SMIM7: variants seen among roughly 807,000 people sequenced by gnomAD.
SMIM7 encodes small integral membrane protein 7, also known as UPF0608 protein C19orf42.
A neutral mutation model predicts 13.3 loss-of-function variants in SMIM7; 12 were observed. The ratio of observed to expected loss-of-function variants is 0.90; its 90% CI spans 0.58 to 1.46. The LOEUF (loss-of-function observed/expected upper bound fraction) is 1.46. SMIM7 is among the 40% of genes most tolerant of loss of function. The probability of loss-of-function intolerance (pLI) is 0.00; values close to 1 mark genes in which losing one functional copy is unlikely to be tolerated. For missense variants in SMIM7, 114 were observed against 94.8 expected, an observed-to-expected ratio of 1.20 and a Z score of -0.84; for synonymous variants, 36 against 35.8, an observed-to-expected ratio of 1.01 and a Z score of -0.02.
At chr19:16,659,607 A>C (rs1321832293) in intron 2 of SMIM7, 160 bp from the exon 3 acceptor site, 1 of 735,412 alleles carries the variant, frequency 1.4e-6, no homozygotes, top group Admixed American at 2.3e-5. Context: ...CTGGGCCCCC[A>C]CTGCCCGGAC....
At chr19:16,657,351 G>A (rs1161825935) in intron 3 of SMIM7, among the ~76,000 whole-genome samples, 1 of 152,056 alleles carries the variant, frequency 6.6e-6, no homozygotes, top group Non-Finnish European at 1.5e-5. Context: ...CAAATCTCCC[G>A]CCCACTGGAG....
intron 4 of SMIM7, among the ~76,000 whole-genome samples, chr19:16,648,198 TG>T (rs1419014660): frequency 1.3e-5 from 2 of 152,120 alleles, no homozygotes; most frequent in Non-Finnish European, 2.9e-5. Context: ...TGGAGTGCCG[TG>T]GGGCGATCTC....
chr19:16,636,883 G>A (rs564740142), intron 4 of SMIM7, among the ~76,000 whole-genome samples: 222 of 152,294 alleles, frequency 1.5e-3, no homozygotes, highest in African/African-American at 5.1e-3. Flanking sequence ...AGCTCAGGAG[G>A]TTTAGGCTGC....
chr19:16,655,360 T>C (rs1325445464), intron 3 of SMIM7: 3 of 455,898 alleles, frequency 6.6e-6, no homozygotes, highest in Non-Finnish European at 4.4e-6. Context: ...TCACTCTCCC[T>C]CTCAAGCCCT....
rs530546746 is a variant in SMIM7 at position 16,647,001 on chromosome 19, G to A, written c.*245C>T. The A allele has an allele frequency of 1.4e-5, 8 of 579,342 alleles. No individual in the cohort carries two copies. The South Asian group carries it at 1.5e-4, about 11-fold the overall frequency. The allele number at this position is 579,342 out of a possible 1,614,324, so 35.9% of individuals were successfully genotyped here. On this transcript the variant is annotated 3_prime_UTR_variant, in exon 5 of 5. Transcript: ENST00000487416. ...TTTCATCACAGCCCCTTACATAAAC[G>A]CTCCTGAAACCCTTTCAGTAGACAG...
chr19:16,642,728 T>C (rs1055694215), downstream of SMIM7, among the ~76,000 whole-genome samples: 2 of 151,808 alleles, frequency 1.3e-5, no homozygotes, highest in Admixed American at 6.6e-5. Context: ...CCTGTGGTCC[T>C]AGGTACTTGG....
intron 4 of SMIM7, chr19:16,634,097 A>AT (rs1472726628): frequency 6.6e-6 from 1 of 152,152 alleles, no homozygotes; most frequent in African/African-American, 2.4e-5. Flanking sequence ...CAAAATCCTG[A>AT]TGGTGGCTTT....
rs551608264 is a variant in SMIM7 at position 16,639,272 on chromosome 19, A to G, written c.*138-7548T>C. On this transcript the variant is annotated intron_variant and NMD_transcript_variant, in intron 4 of 4. Coordinates refer to the SMIM7 transcript ENST00000465250. ...CGAGTAGCTGGGATTATAGGCGCCC[A>G]CCACCTCGCCCGGCTAATTTTTTGT... Among the ~76,000 whole-genome samples the G allele has an allele frequency of 5.0e-4, 76 of 151,750 alleles. 1 individual carries two copies. The highest frequency in any genetic ancestry group is 3.1e-3 in the Admixed American group (47 of 15,222).
At chr19:16,657,370 C>T (rs2086609388) in intron 3 of SMIM7, among the ~76,000 whole-genome samples, 1 of 151,766 alleles carries the variant, frequency 6.6e-6, no homozygotes, top group South Asian at 2.1e-4. Context: ...AGCTCTGATT[C>T]GGATCTGTAC....
At chr19:16,636,353 C>T (rs2086361310) in intron 4 of SMIM7, 1 of 152,038 alleles carries the variant, frequency 6.6e-6, no homozygotes, top group Non-Finnish European at 1.5e-5. Flanking sequence ...TTTTGACTTC[C>T]AGAATTGTAA....
At chr19:16,647,495 G>A in intron 4 of SMIM7, among the ~76,000 whole-genome samples, 1 of 145,926 alleles carries the variant, frequency 6.9e-6, no homozygotes, top group Non-Finnish European at 1.5e-5. Flanking sequence ...TGGCTCTGCC[G>A]CCCAGGCTGG....
intron 4 of SMIM7, among the ~76,000 whole-genome samples, chr19:16,639,160 C>G (rs974751500): frequency 7.1e-6 from 1 of 141,518 alleles, no homozygotes; most frequent in East Asian, 2.0e-4. Flanking sequence ...CTTGCTCTGT[C>G]GCCCAGGCTG....
chr19:16,637,494 T>C (rs1034026588), intron 4 of SMIM7, among the ~76,000 whole-genome samples: 1 of 151,996 alleles, frequency 6.6e-6, no homozygotes, highest in African/African-American at 2.4e-5. Context: ...AGACTGTGTC[T>C]CAAAAAAGAA....
Position 16,635,920 on chromosome 19 carries a change from A to C in SMIM7, c.*138-4196T>G, listed in dbSNP as rs190710375. ...AAAAAATATATATATATATATATAT[A>C]TATGTATGTATACACAATTTGACCC... On this transcript the variant is annotated intron_variant and NMD_transcript_variant, in intron 4 of 4. Coordinates refer to the SMIM7 transcript ENST00000465250. Among the ~76,000 whole-genome samples, 151 of 145,394 alleles carry C rather than the reference A, an allele frequency of 1.0e-3. 1 individual carries two copies. The East Asian group carries it at 0.024, about 23-fold the overall frequency.
intron 3 of SMIM7, chr19:16,659,188 T>C: frequency 1.6e-6 from 1 of 620,404 alleles, no homozygotes; most frequent in Non-Finnish European, 2.8e-6. Context: ...GGGGCTGAGG[T>C]GGAAGGATCA....
At chr19:16,633,383 G>T (rs1478218960) in intron 4 of SMIM7, among the ~76,000 whole-genome samples, 1 of 149,706 alleles carries the variant, frequency 6.7e-6, no homozygotes, top group Non-Finnish European at 1.5e-5. Flanking sequence ...TTGAACCCAG[G>T]AGACAGAGGT....
chr19:16,632,147 C>A (rs561583498), intron 4 of SMIM7, among the ~76,000 whole-genome samples: 7 of 152,150 alleles, frequency 4.6e-5, no homozygotes, highest in Non-Finnish European at 5.9e-5. Flanking sequence ...GGATTACAGG[C>A]ATGAGCCACC....
At chr19:16,636,788 CA>C (rs1040458849) in intron 4 of SMIM7, among the ~76,000 whole-genome samples, 1 of 151,094 alleles carries the variant, frequency 6.6e-6, no homozygotes, top group Non-Finnish European at 1.5e-5. Flanking sequence ...CCCATCTCTA[CA>C]AAAAAAATAA....
At chr19:16,656,783 C>T (rs146253417) in intron 3 of SMIM7, among the ~76,000 whole-genome samples, 576 of 151,954 alleles carry the variant, frequency 3.8e-3, no homozygotes, top group Middle Eastern at 0.01. Flanking sequence ...CCTGTAATCC[C>T]AGCTAATAGG....
Sources: allele counts gnomAD v4.1 joint callset (sites outside exome capture counted in the v4.1 genomes callset), GRCh38; gene constraint gnomAD v4.1.1; transcripts MANE v1.5; gene names NCBI Gene and HGNC (gene_info 2026-07-23, HGNC 2026-07-21).